The following ATP11A variants were observed in gnomAD, a reference collection of about 807,000 sequenced individuals.
The protein encoded by ATP11A is ATPase phospholipid transporting 11A.
Under a neutral mutation model 154.4 loss-of-function variants are expected in ATP11A, and 81 were observed. The ratio of observed to expected loss-of-function variants is 0.52; its 90% CI spans 0.44 to 0.63. The LOEUF is 0.63. ATP11A is among the 30% of genes least tolerant of loss of function. The probability of loss-of-function intolerance (pLI) is 0.00; values close to 1 mark genes in which losing one functional copy is unlikely to be tolerated. For missense variants in ATP11A, 1,316 were observed against 1,474.3 expected (o/e 0.89, Z 1.76); for synonymous variants, 623 against 585.9 (o/e 1.06, Z -0.91).
chr13:112,879,919 C>T (rs1400775217), intron 29 of ATP11A, among the ~76,000 whole-genome samples: 1 of 152,190 alleles, frequency 6.6e-6, no homozygotes, highest in Non-Finnish European at 1.5e-5. Flanking sequence ...GGCATCTCTG[C>T]GTATCTGCAT....
At position 112,826,787 on chromosome 13, in the gene ATP11A, T is replaced by C; in HGVS notation, c.1117T>C (p.Phe373Leu). Reference sequence around the variant, plus strand: ...GTACGTCACGGTCGAGATGCAGAAGTTCCTCGGCTCTTACTTCATCACCTG... The same window carrying C: ...GTACGTCACGGTCGAGATGCAGAAGCTCCTCGGCTCTTACTTCATCACCTG... Reference protein sequence around the residue: ...SMYVTVEMQKFLGSYFITWDE... With the variant: ...SMYVTVEMQKLLGSYFITWDE... The change falls in exon 12 of 30, where the codon TTC becomes CTC. Residue 373 changes from phenylalanine (F) to leucine (L), a missense_variant. Coordinates refer to ENST00000375645, the MANE Select transcript of ATP11A (RefSeq NM_015205.3). 1.9e-6 allele frequency: 3 copies of C among 1,614,172 alleles called. No individual in the cohort carries two copies. The highest frequency in any genetic ancestry group is 2.5e-6 in the Non-Finnish European group (3 of 1,180,040).
At chr13:112,789,760 T>C (rs1412940639) in intron 2 of ATP11A, among the ~76,000 whole-genome samples, 2 of 151,142 alleles carry the variant, frequency 1.3e-5, no homozygotes, top group Admixed American at 6.6e-5. Flanking sequence ...GGAGACCTAC[T>C]TAATTCACAC....
intron 10 of ATP11A, 50 bp from the exon 11 acceptor site, chr13:112,825,380 A>G (rs2140223056): frequency 6.5e-7 from 1 of 1,542,632 alleles, no homozygotes; most frequent in Non-Finnish European, 8.8e-7. Flanking sequence ...AAGGAAGTGC[A>G]GAGCTCATTT....
At chr13:112,747,510 T>A (rs1174801054) in intron 1 of ATP11A, 5 of 152,258 alleles carry the variant, frequency 3.3e-5, no homozygotes, top group African/African-American at 1.2e-4. Context: ...GCACATTCAA[T>A]AGCCCTACTG....
At chr13:112,826,265 A>G (rs2078931558) in intron 11 of ATP11A, among the ~76,000 whole-genome samples, 1 of 152,250 alleles carries the variant, frequency 6.6e-6, no homozygotes, top group Non-Finnish European at 1.5e-5. Flanking sequence ...CCCACAGATC[A>G]GGATAAAAGT....
At chr13:112,836,612 T>G (rs531610287) in intron 16 of ATP11A, among the ~76,000 whole-genome samples, 1 of 152,306 alleles carries the variant, frequency 6.6e-6, no homozygotes, top group East Asian at 1.9e-4. Context: ...TGACATAAAA[T>G]GTTTTTAAAT....
intron 25 of ATP11A, among the ~76,000 whole-genome samples, chr13:112,863,491 T>A (rs1307691015): frequency 1.3e-5 from 2 of 149,292 alleles, no homozygotes; most frequent in African/African-American, 2.5e-5. Flanking sequence ...CCATGCAGCT[T>A]CCCAGCGGGG....
chr13:112,738,396 C>G (rs1386221441), intron 1 of ATP11A, among the ~76,000 whole-genome samples: 1 of 152,094 alleles, frequency 6.6e-6, no homozygotes, highest in East Asian at 1.9e-4. Flanking sequence ...AAAGAAATAG[C>G]TCCAACTTAA....
At position 112,886,458 on chromosome 13, in the gene ATP11A, C is replaced by T. The variant is rs2080982498; in HGVS notation, c.*4592C>T. The stretch of plus-strand genomic sequence containing the variant: ...TGTCTAACAGCTTGATATGCAGGTC[C>T]TTGCATCCTACATTTCTTTAGGAAG... On this transcript the variant is annotated 3_prime_UTR_variant, in exon 30 of 30. Transcript: ENST00000375645. 1 of 152,210 alleles carries T rather than the reference C, an allele frequency of 6.6e-6. No homozygotes were observed. The highest frequency in any genetic ancestry group is 2.4e-5 in the African/African-American group (1 of 41,408). The allele number at this position is 152,210 out of a possible 1,614,324, so 9.4% of individuals were successfully genotyped here.
intron 4 of ATP11A, among the ~76,000 whole-genome samples, chr13:112,808,094 C>T (rs13378238): frequency 0.099 from 15,021 of 151,956 alleles, 1,072 homozygotes; most frequent in African/African-American, 0.2. Context: ...AGGCAGCGGC[C>T]GGGGAGCCCG....
intron 8 of ATP11A, among the ~76,000 whole-genome samples, chr13:112,822,706 G>T (rs191275434): frequency 3.3e-5 from 5 of 149,850 alleles, no homozygotes; most frequent in African/African-American, 1.2e-4. Context: ...AGCTATGATC[G>T]TGCCCCCAGC....
At chr13:112,843,001 C>T (rs887427936) in intron 17 of ATP11A, among the ~76,000 whole-genome samples, 14 of 152,352 alleles carry the variant, frequency 9.2e-5, no homozygotes, top group South Asian at 2.1e-4. Flanking sequence ...GCGCTAAAGC[C>T]GGGCAACACG....
rs552154700 is a variant in ATP11A at position 112,760,359 on chromosome 13, C to T, written c.40-24776C>T. ...CCGAGTCCAGTGTGGGTGGCAGAGA[C>T]GCATCCAGAAGCCCCCAGTAAGTTT... On this transcript the variant is annotated intron_variant, in intron 1 of 29. Transcript: ENST00000375645. Among the ~76,000 whole-genome samples the T allele has an allele frequency of 4.6e-5, 7 of 152,244 alleles. No homozygotes were observed. The East Asian group carries it at 7.7e-4, about 17-fold the overall frequency.
intron 4 of ATP11A, among the ~76,000 whole-genome samples, chr13:112,808,910 G>A (rs1431825520): frequency 6.6e-6 from 1 of 152,184 alleles, no homozygotes; most frequent in Admixed American, 6.5e-5. Context: ...CTGGTGGGCA[G>A]TGCCAGCCCC....
At chr13:112,704,477 G>A (rs749812127) in intron 1 of ATP11A, among the ~76,000 whole-genome samples, 1 of 152,232 alleles carries the variant, frequency 6.6e-6, no homozygotes, top group Admixed American at 6.5e-5. Flanking sequence ...CTCTGCCCCC[G>A]CGTTGTCTTA....
rs1414964674 is a variant in ATP11A, at chr13:112,842,284, T to C, written c.1714T>C (p.Tyr572His). 2.0e-5 allele frequency: 32 copies of C among 1,608,936 alleles called. No individual in the cohort carries two copies. Among genetic ancestry groups the C allele is most frequent in the Non-Finnish European group, 2.7e-5 (32 of 1,177,092 alleles). The change falls in exon 17 of 30, where the codon TAT becomes CAT. Residue 572 changes from tyrosine to histidine, a missense_variant. Physicochemically the swap from Tyr to His is moderately conservative, Grantham distance 83 (BLOSUM62 2). This residue lies in a region of ATP11A where 876 missense variants were observed against 1,006.8 expected (regional missense o/e 0.87). Transcript: ENST00000375645. The stretch of plus-strand genomic sequence containing the variant: ...TTTTTCTCATTTTGTAGGAGAAATT[T>C]ATCTGTTTTGCAAAGGAGCAGATTC... ...VIVKSATGEI[Y>H]LFCKGADSSI... is the part of the protein sequence containing the mutation.
At chr13:112,718,442 G>C (rs1888742778) in intron 1 of ATP11A, among the ~76,000 whole-genome samples, 1 of 152,148 alleles carries the variant, frequency 6.6e-6, no homozygotes, top group Non-Finnish European at 1.5e-5. Context: ...TAAGCAAGAA[G>C]ACAACTGTGC....
intron 1 of ATP11A, among the ~76,000 whole-genome samples, chr13:112,743,039 G>C (rs535809411): frequency 1.3e-5 from 2 of 152,298 alleles, no homozygotes; most frequent in East Asian, 3.9e-4. Flanking sequence ...TGTGCCAGCA[G>C]ACCTCACCTG....
intron 2 of ATP11A, among the ~76,000 whole-genome samples, chr13:112,787,231 G>C: frequency 7.6e-6 from 1 of 131,232 alleles, no homozygotes; most frequent in East Asian, 2.2e-4. Context: ...GACCCCTGTG[G>C]ATACCTACTT....
Sources: allele counts gnomAD v4.1 joint callset (sites outside exome capture counted in the v4.1 genomes callset), GRCh38; gene constraint gnomAD v4.1.1; regional missense constraint gnomAD v4.1.1; transcripts MANE v1.5; gene names NCBI Gene and HGNC (gene_info 2026-07-23, HGNC 2026-07-21).